USP24: variants seen among roughly 807,000 people sequenced by gnomAD.
The protein encoded by USP24 is ubiquitin specific peptidase 24, also known as ubiquitin carboxyl-terminal hydrolase 24.
Under a neutral mutation model 361.6 loss-of-function variants are expected in USP24, and 97 were observed. That is an observed-to-expected ratio of 0.27 (90% CI 0.23 to 0.32). The LOEUF is 0.32. USP24 is among the 10% of genes least tolerant of loss of function. The pLI is 1.00. For synonymous variants in USP24, 1,098 were observed against 1,124.6 expected (o/e 0.98, Z 0.47); for missense variants, 2,353 against 3,165.6 (o/e 0.74, Z 6.16).
intron 8 of USP24, 95 bp downstream of exon 8, chr1:55,162,104 G>T: frequency 8.8e-7 from 1 of 1,142,258 alleles, no homozygotes; most frequent in Non-Finnish European, 1.2e-6. Flanking sequence ...AGTTACTCTG[G>T]ATTAAAGACC....
chr1:55,123,035 G>T (rs1323995831), intron 36 of USP24, among the ~76,000 whole-genome samples: 2 of 152,162 alleles, frequency 1.3e-5, no homozygotes, highest in Non-Finnish European at 2.9e-5. Context: ...AGAATGATTA[G>T]TAATGGTCCC....
chr1:55,163,724 C>T (rs1025906533), intron 7 of USP24, among the ~76,000 whole-genome samples: 3 of 152,034 alleles, frequency 2.0e-5, no homozygotes, highest in African/African-American at 7.2e-5. Context: ...GACCCTTGAA[C>T]AAACAAGCTT....
chr1:55,107,458 A>C lies in USP24; in HGVS notation c.4571-28T>G. Reference sequence around the variant, plus strand: ...AAGAAGGAAAAAAAAAATCCATTACAAAGAAAGAAGGATTTCCCTTTATGG... The same window carrying C: ...AAGAAGGAAAAAAAAAATCCATTACCAAGAAAGAAGGATTTCCCTTTATGG... On this transcript the variant is annotated intron_variant, in intron 39 of 67. Transcript: ENST00000294383. The C allele has an allele frequency of 2.0e-6, 3 of 1,531,236 alleles. No individual in the cohort carries two copies. In the African/African-American group the frequency reaches 4.2e-5, roughly 21 times the overall value. 94.9% of individuals were successfully genotyped at this position (1,531,236 alleles called of 1,614,324 possible). A position where few individuals can be genotyped will look rare whatever the true frequency, so the allele number is the denominator to read the frequency against.
chr1:55,086,674 GT>G (rs1223086506), intron 55 of USP24, among the ~76,000 whole-genome samples: 2 of 152,208 alleles, frequency 1.3e-5, no homozygotes, highest in Non-Finnish European at 1.5e-5. Flanking sequence ...TACTTACATT[GT>G]TTTTAACTTT....
In USP24 at chr1:55,159,627, T is replaced by G. The variant is rs1286216001; in HGVS notation, c.1052A>C (p.Lys351Thr). 1.3e-6 allele frequency: 2 copies of G among 1,561,434 alleles called. No homozygotes were observed. The highest frequency in any genetic ancestry group is 4.7e-5 in the East Asian group (2 of 42,302). Residue 351 changes from lysine (K) to threonine (T), a missense_variant, in exon 9 of 68, where the codon AAA (lysine) becomes ACA (threonine). Coordinates refer to ENST00000294383, the MANE Select transcript of USP24 (RefSeq NM_015306.3). ...TIQDVRSVEEKDLKDKRLVSI... is the reference protein window; with the variant it reads ...TIQDVRSVEETDLKDKRLVSI... ...GGCATTTACCTTGTCTTTGAGGTCT[T>G]TCTCTTCTACACTCCGTACATCCTG... is the stretch of plus-strand genomic sequence containing the variant.
intron 1 of USP24, among the ~76,000 whole-genome samples, chr1:55,196,735 G>C (rs762926432): frequency 3.9e-5 from 6 of 152,180 alleles, no homozygotes; most frequent in African/African-American, 7.2e-5. Context: ...CCAGATCATG[G>C]TATCTCCCTG....
chr1:55,131,938 T>C (rs1300842381), intron 31 of USP24, among the ~76,000 whole-genome samples: 1 of 152,154 alleles, frequency 6.6e-6, no homozygotes, highest in Non-Finnish European at 1.5e-5. Flanking sequence ...CTGATTTCAG[T>C]TGGTCACTTT....
rs1644840526 is a variant in USP24 at position 55,067,300 on chromosome 1, G to A, written c.*1745C>T. 6.6e-6 allele frequency: 1 copy of A among 152,170 alleles called. No individual in the cohort carries two copies. Among genetic ancestry groups the A allele is most frequent in the African/African-American group, 2.4e-5 (1 of 41,426 alleles). 9.4% of individuals were successfully genotyped at this position (152,170 alleles called of 1,614,324 possible). On this transcript the variant is annotated 3_prime_UTR_variant, in exon 68 of 68. Transcript: ENST00000294383. ...TGAGAATAGGGTAGGGGAAACAGTA[G>A]GACAGGAAGTATTCACGTACTCAAA... is the stretch of plus-strand genomic sequence containing the variant.
intron 1 of USP24, among the ~76,000 whole-genome samples, chr1:55,179,282 C>G (rs1475429670): frequency 6.6e-6 from 1 of 152,170 alleles, no homozygotes; most frequent in East Asian, 1.9e-4. Context: ...TCTAGTCTGT[C>G]TCCTCTTCTG....
intron 55 of USP24, among the ~76,000 whole-genome samples, chr1:55,088,463 A>C (rs1645300389): frequency 6.6e-6 from 1 of 152,208 alleles, no homozygotes; most frequent in African/African-American, 2.4e-5. Context: ...TAAAGGGTCA[A>C]CTTCCTTGAG....
intron 58 of USP24, among the ~76,000 whole-genome samples, 168 bp from the exon 59 acceptor site, chr1:55,081,592 G>C (rs1180943216): frequency 6.6e-6 from 1 of 152,152 alleles, no homozygotes. Context: ...CCAGCTCAAA[G>C]GGTTATATTA....
intron 35 of USP24, 89 bp from the exon 36 acceptor site, chr1:55,123,691 T>G (rs1244882857): frequency 7.5e-7 from 1 of 1,335,632 alleles, no homozygotes; most frequent in Non-Finnish European, 9.8e-7. Flanking sequence ...AGAATCCTCA[T>G]GTGACATTAA....
Position 55,128,820 on chromosome 1 carries a change from T to A in USP24, c.3635+657A>T, listed in dbSNP as rs573327916. On this transcript the variant is annotated intron_variant, in intron 32 of 67. Transcript: ENST00000294383. ...ACTTCCACCTCCCGGGCTCAAGTGA[T>A]CCTCCCACCTCAGTGTCCCAAGTAG... Among the ~76,000 whole-genome samples, 11 of 150,964 alleles carry A rather than the reference T, an allele frequency of 7.3e-5. No homozygotes were observed. The South Asian group carries it at 2.3e-3, about 32-fold the overall frequency.
Position 55,083,312 on chromosome 1 carries a change from A to G in USP24, c.6935T>C (p.Met2312Thr). 6.2e-7 allele frequency: 1 copy of G among 1,613,818 alleles called. No homozygotes were observed. The highest frequency in any genetic ancestry group is 8.5e-7 in the Non-Finnish European group (1 of 1,179,746). The change falls in exon 58 of 68, where the codon ATG (methionine) becomes ACG (threonine). Residue 2312 changes from methionine to threonine, a missense_variant. Physicochemically the swap from Met to Thr is moderately conservative, Grantham distance 81. Transcript: ENST00000294383. ...LLLRHSALRH[M>T]ISFLLGASRQ... ...ACTGGCCCCTAGGAGGAAGCTGATC[A>G]TGTGCCGCAGAGCTGAATGCCTCAG...
chr1:55,119,614 G>T (rs983724243), intron 38 of USP24, among the ~76,000 whole-genome samples: 4 of 151,892 alleles, frequency 2.6e-5, no homozygotes, highest in Admixed American at 2.6e-4. Context: ...AAAAATCTAC[G>T]TGTCTTTGAA....
At chr1:55,138,843 G>C in intron 25 of USP24, 101 bp downstream of exon 25, 1 of 1,340,956 alleles carries the variant, frequency 7.5e-7, no homozygotes, top group Non-Finnish European at 1.0e-6. Context: ...ACTGGGTGTG[G>C]TGGTGTGTGC....
intron 5 of USP24, among the ~76,000 whole-genome samples, chr1:55,167,470 T>C (rs1269642109): frequency 1.3e-5 from 2 of 152,224 alleles, no homozygotes; most frequent in Non-Finnish European, 2.9e-5. Flanking sequence ...AGAATGTAGA[T>C]CATGGAGACA....
intron 38 of USP24, among the ~76,000 whole-genome samples, chr1:55,118,910 T>G (rs894323973): frequency 1.3e-4 from 20 of 152,168 alleles, no homozygotes; most frequent in African/African-American, 4.8e-4. Context: ...ACAAAAATCC[T>G]AGAAAACAAC....
chr1:55,092,367 T>C (rs1453818755), intron 53 of USP24, among the ~76,000 whole-genome samples: 3 of 152,190 alleles, frequency 2.0e-5, no homozygotes, highest in Non-Finnish European at 4.4e-5. Flanking sequence ...CTCAAAACAG[T>C]TGTTAGACCG....
Sources: gnomAD v4.1 joint callset for allele counts (sites outside exome capture counted in the v4.1 genomes callset) on GRCh38, gnomAD v4.1.1 for gene constraint, MANE v1.5 for transcripts, NCBI Gene and HGNC (gene_info 2026-07-23, HGNC 2026-07-21) for gene names.